MINAR1: variants seen among roughly 807,000 people sequenced by gnomAD.
MINAR1 encodes membrane integral NOTCH2 associated receptor 1, also known as major intrinsically disordered Notch2-binding receptor 1.
A neutral mutation model predicts 65.1 loss-of-function variants in MINAR1; 40 were observed. That is an observed-to-expected ratio of 0.61 (90% CI 0.48 to 0.80). MINAR1 has a LOEUF of 0.80. Ranked by LOEUF, MINAR1 falls within the 30% of genes least tolerant of loss-of-function variation. MINAR1 has a pLI of 0.00. For missense variants in MINAR1, 1,128 were observed against 1,148.0 expected, an observed-to-expected ratio of 0.98 and a Z score of 0.25; for synonymous variants, 482 against 449.1, an observed-to-expected ratio of 1.07 and a Z score of -0.93.
At chr15:79,458,711 G>C (rs978606469) in intron 2 of MINAR1, among the ~76,000 whole-genome samples, 2 of 152,184 alleles carry the variant, frequency 1.3e-5, no homozygotes, top group South Asian at 4.1e-4. Context: ...CATTAGACAG[G>C]TGGTGTGAGA....
At chr15:79,433,139 C>T (rs1335202985) in intron 1 of MINAR1, among the ~76,000 whole-genome samples, 1 of 152,244 alleles carries the variant, frequency 6.6e-6, no homozygotes, top group Non-Finnish European at 1.5e-5. Flanking sequence ...CTCGCTCACA[C>T]GCGGTCCAAC....
upstream of MINAR1, among the ~76,000 whole-genome samples, chr15:79,429,084 TAAG>T (rs1448554853): frequency 7.2e-5 from 11 of 152,146 alleles, no homozygotes; most frequent in East Asian, 3.8e-4. Flanking sequence ...GCAGCTGAGA[TAAG>T]AAGGGCTTAG....
rs1459667657 is a variant in MINAR1, at chr15:79,457,436, CA to C, written c.1293del (p.Lys431AsnfsTer74). 1 of 1,614,222 alleles carries C rather than the reference CA, an allele frequency of 6.2e-7. No individual in the cohort carries two copies. The highest frequency in any genetic ancestry group is 2.2e-5 in the East Asian group (1 of 44,886). ...CCAATTCTCCCCATTGCTTATGCGG[CA>C]AAACAAAATGGGCTCAAATCTAAAG... is the stretch of plus-strand genomic sequence containing the variant. ...QQPILPIAYA[A>X]KQNGLKSKEI... On this transcript the variant is annotated frameshift_variant, in exon 2 of 4. Transcript: ENST00000305428. LOFTEE classifies it high-confidence loss of function.
chr15:79,417,001 A>T, the MINAR1 span: 1 of 152,198 alleles, frequency 6.6e-6, no homozygotes, highest in African/African-American at 2.4e-5. Context: ...GGATTTGTGA[A>T]GTTTTCTTTT....
upstream of MINAR1, among the ~76,000 whole-genome samples, chr15:79,431,510 T>TGGG (rs1436799514): frequency 4.0e-5 from 5 of 123,562 alleles, no homozygotes; most frequent in African/African-American, 1.8e-4. Flanking sequence ...TATGTGTGTG[T>TGGG]GTGTGGGGGG....
At chr15:79,439,240 G>A in intron 1 of MINAR1, among the ~76,000 whole-genome samples, 1 of 16,600 alleles carries the variant, frequency 6.0e-5, no homozygotes, top group South Asian at 2.0e-3. Context: ...TGTAGGTTGT[G>A]GGGTGTGGGT....
intron 3 of MINAR1, among the ~76,000 whole-genome samples, chr15:79,465,044 T>G (rs1352370385): frequency 2.0e-5 from 3 of 152,172 alleles, no homozygotes; most frequent in Admixed American, 1.3e-4. Flanking sequence ...ATGTGAGCTT[T>G]TACTGCACCA....
At chr15:79,429,846 G>A (rs1041839392), upstream of MINAR1, among the ~76,000 whole-genome samples, 1 of 152,258 alleles carries the variant, frequency 6.6e-6, no homozygotes, top group Non-Finnish European at 1.5e-5. Flanking sequence ...CACTGTGCGT[G>A]TGTGCAACGG....
intron 2 of MINAR1, among the ~76,000 whole-genome samples, chr15:79,460,074 C>A (rs1254587868): frequency 6.6e-6 from 1 of 152,220 alleles, no homozygotes; most frequent in African/African-American, 2.4e-5. Context: ...ACAAAGCCAG[C>A]AGGAATGAGC....
At chr15:79,414,467 TGTGATGTA>T in the MINAR1 span, 2 of 152,182 alleles carry the variant, frequency 1.3e-5, no homozygotes, top group Non-Finnish European at 2.9e-5. Context: ...TGTCAGGATA[TGTGATGTA>T]GTCATGGTTG....
At position 79,470,399 on chromosome 15, in the gene MINAR1, T is replaced by C. The variant is rs1044462718; in HGVS notation, c.*2015T>C. The C allele has an allele frequency of 6.6e-6, 1 of 152,164 alleles. No homozygotes were observed. Among genetic ancestry groups the C allele is most frequent in the African/African-American group, 2.4e-5 (1 of 41,404 alleles). The allele number at this position is 152,164 out of a possible 1,614,324, so 9.4% of individuals were successfully genotyped here. ...AGATGAAGTGCCAGAGCATCAGAGA[T>C]AGGTAGCTCCCAACCTCTTGCTCTG... On this transcript the variant is annotated 3_prime_UTR_variant, in exon 4 of 4. Transcript: ENST00000305428.
upstream of MINAR1, among the ~76,000 whole-genome samples, chr15:79,428,003 A>G (rs184431910): frequency 6.6e-6 from 1 of 152,320 alleles, no homozygotes; most frequent in East Asian, 1.9e-4. Context: ...GTCGGCCAGC[A>G]AAGCAACATC....
chr15:79,456,993 G>A lies in MINAR1; in HGVS notation c.846G>A (p.Glu282=). ...PSLVGPISKA[E]NEHREPQSRK... Reference sequence around the variant, plus strand: ...TGGTTGGCCCCATCAGCAAAGCAGAGAATGAGCACAGGGAACCCCAGAGTC... The same window carrying A: ...TGGTTGGCCCCATCAGCAAAGCAGAAAATGAGCACAGGGAACCCCAGAGTC... Residue 282 remains glutamate, a synonymous_variant, in exon 2 of 4, where the codon GAG becomes GAA. Coordinates refer to ENST00000305428, the MANE Select transcript of MINAR1 (RefSeq NM_015206.3). 1 of 1,614,160 alleles carries A rather than the reference G, an allele frequency of 6.2e-7. No individual in the cohort carries two copies.
chr15:79,457,010 C>A lies in MINAR1; in HGVS notation c.863C>A (p.Pro288His). ...AAAGCAGAGAATGAGCACAGGGAAC[C>A]CCAGAGTCGAAAGGAACCCCACAAG... ...ISKAENEHREPQSRKEPHKPP... is the reference protein window; with the variant it reads ...ISKAENEHREHQSRKEPHKPP... The change falls in exon 2 of 4, where the codon CCC becomes CAC. Residue 288 changes from proline to histidine, a missense_variant. Pro to His is a moderately conservative substitution (Grantham distance 77). Transcript: ENST00000305428. 2 of 1,614,060 alleles carry A rather than the reference C, an allele frequency of 1.2e-6. No individual in the cohort carries two copies. Among genetic ancestry groups the A allele is most frequent in the Non-Finnish European group, 1.7e-6 (2 of 1,179,998 alleles).
chr15:79,448,299 C>A (rs775538404), intron 1 of MINAR1, among the ~76,000 whole-genome samples: 1 of 152,158 alleles, frequency 6.6e-6, no homozygotes, highest in Non-Finnish European at 1.5e-5. Flanking sequence ...GAAGTGTAAC[C>A]CCTTCCCAAC....
intron 1 of MINAR1, among the ~76,000 whole-genome samples, chr15:79,433,927 C>T (rs1033846842): frequency 4.6e-5 from 7 of 152,146 alleles, no homozygotes; most frequent in Non-Finnish European, 1.0e-4. Flanking sequence ...TGGAGTTGTA[C>T]AATACCCTTT....
intron 1 of MINAR1, among the ~76,000 whole-genome samples, chr15:79,441,406 A>G (rs1239882632): frequency 6.6e-6 from 1 of 152,224 alleles, no homozygotes; most frequent in Non-Finnish European, 1.5e-5. Context: ...TTTCTGCACC[A>G]TGACTTATTA....
At chr15:79,467,090 T>G (rs1034217606) in intron 3 of MINAR1, among the ~76,000 whole-genome samples, 2 of 152,226 alleles carry the variant, frequency 1.3e-5, no homozygotes, top group African/African-American at 4.8e-5. Flanking sequence ...AAAAAGAGAA[T>G]GAATCTAGAA....
the MINAR1 span, chr15:79,416,777 C>A: frequency 2.0e-5 from 3 of 152,184 alleles, no homozygotes; most frequent in African/African-American, 7.2e-5. Context: ...CTGAGGAACA[C>A]CGTGGTTCTA....
Sources: allele counts gnomAD v4.1 joint callset (sites outside exome capture counted in the v4.1 genomes callset), GRCh38; gene constraint gnomAD v4.1.1; transcripts MANE v1.5; gene names NCBI Gene and HGNC (gene_info 2026-07-23, HGNC 2026-07-21).